RNF141: variants seen among roughly 807,000 people sequenced by gnomAD.
RNF141 encodes the protein ring finger protein 141.
A neutral mutation model predicts 27.4 loss-of-function variants in RNF141; 18 were observed. The ratio of observed to expected loss-of-function variants is 0.66; its 90% CI spans 0.45 to 0.97. RNF141 has a LOEUF of 0.97. Ranked by LOEUF, RNF141 falls within the 50% of genes least tolerant of loss-of-function variation. RNF141 has a pLI of 0.00. For synonymous variants in RNF141, 97 were observed against 96.6 expected (o/e 1.00, Z -0.02); for missense variants, 230 against 279.4 (o/e 0.82, Z 1.26).
chr11:10,538,927 G>GAA (rs1314060621), intron 1 of RNF141, among the ~76,000 whole-genome samples: 1 of 152,294 alleles, frequency 6.6e-6, no homozygotes, highest in East Asian at 1.9e-4. Context: ...CACTGGCACA[G>GAA]AATTCAACAA....
intron 1 of RNF141, among the ~76,000 whole-genome samples, chr11:10,536,068 T>A (rs1309941835): frequency 6.6e-6 from 1 of 152,132 alleles, no homozygotes; most frequent in Non-Finnish European, 1.5e-5. Flanking sequence ...ACCACACAAA[T>A]AAATGTATAA....
intron 1 of RNF141, among the ~76,000 whole-genome samples, chr11:10,537,103 G>C (rs2133977227): frequency 6.6e-6 from 1 of 152,354 alleles, no homozygotes; most frequent in Non-Finnish European, 1.5e-5. Flanking sequence ...GAATGGGATG[G>C]CCACTAAGTA....
intron 3 of RNF141, among the ~76,000 whole-genome samples, chr11:10,526,738 C>T (rs954048232): frequency 1.3e-5 from 2 of 150,764 alleles, no homozygotes; most frequent in Non-Finnish European, 2.9e-5. Flanking sequence ...GCCGAGATGG[C>T]GCCACTGCAC....
intron 5 of RNF141, chr11:10,515,672 G>C (rs1461117078): frequency 1.3e-5 from 2 of 152,124 alleles, no homozygotes; most frequent in African/African-American, 4.8e-5. Flanking sequence ...ATAACTTCTT[G>C]GCAGTGGCAG....
chr11:10,511,828 C>G lies in RNF141; in HGVS notation c.*3088G>C, dbSNP rs996729798. 1 of 152,602 alleles carries G rather than the reference C, an allele frequency of 6.6e-6. No individual in the cohort carries two copies. Among genetic ancestry groups the G allele is most frequent in the Non-Finnish European group, 1.5e-5 (1 of 68,038 alleles). The allele number at this position is 152,602 out of a possible 1,614,324, so 9.5% of individuals were successfully genotyped here. A position where few individuals can be genotyped will look rare whatever the true frequency, so the allele number is the denominator to read the frequency against. On this transcript the variant is annotated 3_prime_UTR_variant, in exon 6 of 6. Coordinates refer to ENST00000265981, the MANE Select transcript of RNF141 (RefSeq NM_016422.4). ...ATTTTAAAACAGCACACAAACATCA[C>G]AAGCCCCCAGCGCACAATATAAAAT... is the stretch of plus-strand genomic sequence containing the variant.
intron 3 of RNF141, among the ~76,000 whole-genome samples, chr11:10,526,023 G>A (rs1333352826): frequency 6.6e-6 from 1 of 152,146 alleles, no homozygotes; most frequent in Non-Finnish European, 1.5e-5. Context: ...GGGGCAAGCA[G>A]AGGAGATTGC....
At chr11:10,540,072 A>G (rs1183912740) in intron 1 of RNF141, among the ~76,000 whole-genome samples, 1 of 152,176 alleles carries the variant, frequency 6.6e-6, no homozygotes, top group African/African-American at 2.4e-5. Flanking sequence ...TTCAGAAAGC[A>G]TCACTTCTCA....
intron 4 of RNF141, among the ~76,000 whole-genome samples, chr11:10,520,489 C>G (rs1247244466): frequency 1.3e-5 from 2 of 152,196 alleles, no homozygotes; most frequent in Non-Finnish European, 2.9e-5. Context: ...GGGGCAGTAA[C>G]ATGCACGGAG....
Position 10,514,816 on chromosome 11 carries a change from T to C in RNF141, c.*100A>G. 8.9e-7 allele frequency: 1 copy of C among 1,126,982 alleles called. No individual in the cohort carries two copies. Among genetic ancestry groups the C allele is most frequent in the Non-Finnish European group, 1.2e-6 (1 of 822,172 alleles). The allele number at this position is 1,126,982 out of a possible 1,614,324, so 69.8% of individuals were successfully genotyped here. On this transcript the variant is annotated 3_prime_UTR_variant, in exon 6 of 6. Coordinates refer to ENST00000265981, the MANE Select transcript of RNF141 (RefSeq NM_016422.4). ...AGCAAAAATAAAAGAGTGGGGAAAA[T>C]GGATTTTCCTGTGTCTGTGCCAGTG...
In RNF141 at chr11:10,513,780, A is replaced by C. The variant is rs903488361; in HGVS notation, c.*1136T>G. 1 of 152,038 alleles carries C rather than the reference A, an allele frequency of 6.6e-6. No homozygotes were observed. Among genetic ancestry groups the C allele is most frequent in the African/African-American group, 2.4e-5 (1 of 41,368 alleles). 9.4% of individuals were successfully genotyped at this position (152,038 alleles called of 1,614,324 possible). A position where few individuals can be genotyped will look rare whatever the true frequency, so the allele number is the denominator to read the frequency against. The stretch of plus-strand genomic sequence containing the variant: ...CTGCAACCTCCACCTCCTGGGTTCA[A>C]GCAATTCTGCCTCAGCCTCCCGAGT... On this transcript the variant is annotated 3_prime_UTR_variant, in exon 6 of 6. Coordinates refer to ENST00000265981, the MANE Select transcript of RNF141 (RefSeq NM_016422.4).
At chr11:10,540,000 A>C (rs1003650214) in intron 1 of RNF141, among the ~76,000 whole-genome samples, 1 of 152,076 alleles carries the variant, frequency 6.6e-6, no homozygotes, top group Non-Finnish European at 1.5e-5. Context: ...AAAGTTCTAG[A>C]AACTGAAGTC....
intron 1 of RNF141, among the ~76,000 whole-genome samples, chr11:10,540,431 G>T (rs965224447): frequency 1.7e-4 from 26 of 152,120 alleles, no homozygotes; most frequent in African/African-American, 6.3e-4. Flanking sequence ...ATAACTGAAG[G>T]AATAATTTCA....
chr11:10,529,576 A>C (rs1849968454), intron 3 of RNF141, among the ~76,000 whole-genome samples: 1 of 152,224 alleles, frequency 6.6e-6, no homozygotes, highest in South Asian at 2.1e-4. Context: ...AGTTGGGACT[A>C]TTTGGTAGGC....
Position 10,519,062 on chromosome 11 carries a change from T to C in RNF141, c.514A>G (p.Ser172Gly), listed in dbSNP as rs1433330154. 1.2e-6 allele frequency: 2 copies of C among 1,614,014 alleles called. No individual in the cohort carries two copies. Among genetic ancestry groups the C allele is most frequent in the African/African-American group, 1.3e-5 (1 of 75,042 alleles). Residue 172 changes from serine (S) to glycine (G), a missense_variant, in exon 5 of 6, where the codon AGC becomes GGC. Physicochemically the swap from Ser to Gly is moderately conservative, Grantham distance 56. Coordinates refer to ENST00000265981, the MANE Select transcript of RNF141 (RefSeq NM_016422.4). ...RADLILPCAH[S>G]FCQKCIDKWS... The stretch of plus-strand genomic sequence containing the variant: ...TTATCAATACACTTCTGACAAAAGC[T>C]GTGAGCACAAGGCAGGATGAGGTCA...
At chr11:10,530,066 G>A (rs775494838) in intron 3 of RNF141, among the ~76,000 whole-genome samples, 6 of 152,112 alleles carry the variant, frequency 3.9e-5, no homozygotes, top group Non-Finnish European at 8.8e-5. Flanking sequence ...GGGATAGGAG[G>A]TGGCCTAATA....
chr11:10,526,865 TG>T (rs1340845594), intron 3 of RNF141, among the ~76,000 whole-genome samples: 1 of 152,160 alleles, frequency 6.6e-6, no homozygotes, highest in African/African-American at 2.4e-5. Flanking sequence ...GATTAAATTT[TG>T]GGAAGGTAAA....
intron 2 of RNF141, chr11:10,532,110 T>C (rs1320660600): frequency 2.9e-6 from 1 of 341,030 alleles, no homozygotes; most frequent in African/African-American, 2.2e-5. Context: ...TGTATCTTTA[T>C]GCTAAAGGGC....
At position 10,536,704 on chromosome 11, in the gene RNF141, T is replaced by C. The variant is rs1366514582; in HGVS notation, c.-47-2499A>G. Among the ~76,000 whole-genome samples the C allele has an allele frequency of 2.0e-5, 3 of 152,224 alleles. No homozygotes were observed. The East Asian group carries it at 5.8e-4, about 29-fold the overall frequency. On this transcript the variant is annotated intron_variant, in intron 1 of 5. Transcript: ENST00000265981. ...GTAACAAACTCCTGGGCTCAAGCAA[T>C]CCTCCCGCCTCGGCCTCCCAGGCCG...
At chr11:10,530,843 G>C (rs1390752291) in intron 2 of RNF141, 92 bp from the exon 3 acceptor site, 9 of 623,434 alleles carry the variant, frequency 1.4e-5, no homozygotes, top group Admixed American at 3.4e-5. Context: ...AACAATTTCA[G>C]AGAAGGAAAT....
Sources: allele counts gnomAD v4.1 joint callset (sites outside exome capture counted in the v4.1 genomes callset), GRCh38; gene constraint gnomAD v4.1.1; transcripts MANE v1.5; gene names NCBI Gene and HGNC (gene_info 2026-07-23, HGNC 2026-07-21).